HMGCLL1: variants seen among roughly 807,000 people sequenced by gnomAD.
HMGCLL1 encodes 3-hydroxymethyl-3-methylglutaryl-CoA lyase, cytoplasmic.
A neutral mutation model predicts 39.1 loss-of-function variants in HMGCLL1; 36 were observed. The observed-to-expected ratio is 0.92, with a 90% CI of 0.71 to 1.22. The LOEUF is 1.22. Among genes scored for constraint, HMGCLL1 ranks in the 50% most tolerant of loss-of-function variants. The probability of loss-of-function intolerance (pLI) is 0.00; values close to 1 mark genes in which losing one functional copy is unlikely to be tolerated. For missense variants in HMGCLL1, 451 were observed against 416.5 expected (o/e 1.08, Z -0.72); for synonymous variants, 149 against 144.0 (o/e 1.03, Z -0.25).
chr6:55,467,226 C>A (rs545055152), intron 7 of HMGCLL1, among the ~76,000 whole-genome samples: 10 of 152,192 alleles, frequency 6.6e-5, no homozygotes, highest in African/African-American at 2.4e-4. Context: ...CTTTAAGACA[C>A]GTGTAAAAAC....
intron 5 of HMGCLL1, among the ~76,000 whole-genome samples, chr6:55,507,793 T>C (rs1337178361): frequency 1.3e-5 from 2 of 151,774 alleles, no homozygotes; most frequent in Non-Finnish European, 2.9e-5. Context: ...TCCCACATTA[T>C]ATTTTATTTT....
the HMGCLL1 span, among the ~76,000 whole-genome samples, chr6:55,616,954 G>A: frequency 2.0e-5 from 3 of 152,008 alleles, no homozygotes; most frequent in East Asian, 5.8e-4. Context: ...AAACTAGGTA[G>A]AAGTTTGGAA....
chr6:55,460,670 T>C (rs1335486339), intron 7 of HMGCLL1, among the ~76,000 whole-genome samples: 1 of 151,902 alleles, frequency 6.6e-6, no homozygotes, highest in East Asian at 1.9e-4. Context: ...ATGCTTAAAA[T>C]TGTATATGTT....
At chr6:55,629,550 G>T in the HMGCLL1 span, among the ~76,000 whole-genome samples, 1 of 152,108 alleles carries the variant, frequency 6.6e-6, no homozygotes, top group African/African-American at 2.4e-5. Context: ...ACAAAGAGCC[G>T]AATGTTAATC....
At chr6:55,573,000 T>G (rs1247575770) in intron 1 of HMGCLL1, among the ~76,000 whole-genome samples, 1 of 152,104 alleles carries the variant, frequency 6.6e-6, no homozygotes, top group African/African-American at 2.4e-5. Flanking sequence ...GCCAAAACCA[T>G]CAGATCTTCC....
chr6:55,637,935 C>T, the HMGCLL1 span, among the ~76,000 whole-genome samples: 6 of 151,758 alleles, frequency 4.0e-5, no homozygotes, highest in Admixed American at 6.6e-5. Context: ...CAATGGATGC[C>T]CAAAACATAA....
rs1387237488 is a variant in HMGCLL1 at position 55,434,655 on chromosome 6, A to G, written c.*1007T>C. ...ATATTACATCTTGCAATTTCTGGCAATCAATTCTAAGACAATAGACAAAAT... is the reference window on the plus strand; with the variant it reads ...ATATTACATCTTGCAATTTCTGGCAGTCAATTCTAAGACAATAGACAAAAT... On this transcript the variant is annotated 3_prime_UTR_variant, in exon 9 of 9. Transcript: ENST00000274901. The G allele has an allele frequency of 6.6e-6, 1 of 152,026 alleles. No individual in the cohort carries two copies. The highest frequency in any genetic ancestry group is 1.5e-5 in the Non-Finnish European group (1 of 67,984). The allele number at this position is 152,026 out of a possible 1,614,324, so 9.4% of individuals were successfully genotyped here. A position where few individuals can be genotyped will look rare whatever the true frequency, so the allele number is the denominator to read the frequency against.
chr6:55,503,774 A>G (rs1044898346), intron 5 of HMGCLL1, among the ~76,000 whole-genome samples: 18 of 151,700 alleles, frequency 1.2e-4, no homozygotes, highest in African/African-American at 2.2e-4. Context: ...AGTTATTCTC[A>G]GGGTCAGTCC....
chr6:55,528,625 G>C (rs1247079695), intron 3 of HMGCLL1, among the ~76,000 whole-genome samples: 2 of 137,740 alleles, frequency 1.5e-5, no homozygotes, highest in Non-Finnish European at 3.1e-5. Flanking sequence ...GAAATCTCTG[G>C]AAAATTGAAC....
chr6:55,492,672 AG>A (rs1185336079), intron 7 of HMGCLL1, among the ~76,000 whole-genome samples: 2 of 152,216 alleles, frequency 1.3e-5, no homozygotes, highest in Non-Finnish European at 2.9e-5. Context: ...ACTCATTTAT[AG>A]TAGCTTCTCC....
chr6:55,580,477 G>T (rs1377641573), upstream of HMGCLL1, among the ~76,000 whole-genome samples: 1 of 138,046 alleles, frequency 7.2e-6, no homozygotes, highest in Non-Finnish European at 1.5e-5. Flanking sequence ...GTGCAGTGGC[G>T]CGATGTCGGC....
intron 5 of HMGCLL1, among the ~76,000 whole-genome samples, chr6:55,502,370 A>G (rs1283662707): frequency 6.6e-6 from 1 of 151,724 alleles, no homozygotes; most frequent in African/African-American, 2.4e-5. Context: ...CTTCAATATT[A>G]ACAGTGCTTT....
At chr6:55,635,385 T>C in the HMGCLL1 span, among the ~76,000 whole-genome samples, 2 of 152,008 alleles carry the variant, frequency 1.3e-5, no homozygotes, top group Non-Finnish European at 2.9e-5. Flanking sequence ...AAAAATTAGT[T>C]ATGGCCAAGA....
chr6:55,586,158 A>G, the HMGCLL1 span, among the ~76,000 whole-genome samples: 4 of 152,120 alleles, frequency 2.6e-5, no homozygotes, highest in Non-Finnish European at 5.9e-5. Context: ...ACTAACTAAA[A>G]TAGGCCAGTA....
intron 3 of HMGCLL1, among the ~76,000 whole-genome samples, chr6:55,516,822 T>C (rs2127438324): frequency 6.6e-6 from 1 of 152,240 alleles, no homozygotes; most frequent in South Asian, 2.1e-4. Context: ...AATGGGATCT[T>C]GTAAAATGAG....
the HMGCLL1 span, among the ~76,000 whole-genome samples, chr6:55,676,273 C>T: frequency 6.6e-6 from 1 of 152,042 alleles, no homozygotes; most frequent in Admixed American, 6.6e-5. Context: ...AAACAAGGGG[C>T]TGTATGTCTC....
intron 1 of HMGCLL1, among the ~76,000 whole-genome samples, chr6:55,545,953 G>T (rs1383766306): frequency 6.6e-6 from 1 of 152,062 alleles, no homozygotes; most frequent in Admixed American, 6.6e-5. Context: ...ATATGCAATG[G>T]CTCACACTGC....
intron 3 of HMGCLL1, among the ~76,000 whole-genome samples, chr6:55,522,918 T>C (rs1768109285): frequency 6.6e-6 from 1 of 151,916 alleles, no homozygotes; most frequent in African/African-American, 2.4e-5. Flanking sequence ...TGTTGTTAAG[T>C]GACAGAAGAG....
At chr6:55,576,921 A>G (rs1389278651) in intron 1 of HMGCLL1, among the ~76,000 whole-genome samples, 1 of 152,202 alleles carries the variant, frequency 6.6e-6, no homozygotes, top group Non-Finnish European at 1.5e-5. Context: ...ATGTCAAATG[A>G]GCAGCTGAAC....
Sources: gnomAD v4.1 joint callset for allele counts (sites outside exome capture counted in the v4.1 genomes callset) on GRCh38, gnomAD v4.1.1 for gene constraint, MANE v1.5 for transcripts, NCBI Gene and HGNC (gene_info 2026-07-23, HGNC 2026-07-21) for gene names.